Variants in ENTPD5 observed in about 807,000 individuals in gnomAD.
ENTPD5 encodes the protein ectonucleoside triphosphate diphosphohydrolase 5 (inactive), also known as nucleoside diphosphate phosphatase ENTPD5.
Under a neutral mutation model 60.2 loss-of-function variants are expected in ENTPD5, and 49 were observed. The observed-to-expected ratio is 0.81, with a 90% CI of 0.65 to 1.03. ENTPD5 has a LOEUF of 1.03. ENTPD5 is among the 50% of genes least tolerant of loss of function. ENTPD5 has a pLI of 0.00. For missense variants in ENTPD5, 480 were observed against 507.6 expected, an observed-to-expected ratio of 0.95 and a Z score of 0.52; for synonymous variants, 187 against 185.4, an observed-to-expected ratio of 1.01 and a Z score of -0.07.
Position 73,966,169 on chromosome 14 carries a change from T to C in ENTPD5, c.*759A>G, listed in dbSNP as rs921114485. The C allele has an allele frequency of 1.5e-4, 23 of 152,226 alleles. No individual in the cohort carries two copies. The highest frequency in any genetic ancestry group is 4.8e-4 in the African/African-American group (20 of 41,458). 9.4% of individuals were successfully genotyped at this position (152,226 alleles called of 1,614,324 possible). ...TGGGAGGTGGTACTGGCACTGAATATACACATACCCATAAAGTCGGATATG... is the reference window on the plus strand; with the variant it reads ...TGGGAGGTGGTACTGGCACTGAATACACACATACCCATAAAGTCGGATATG... On this transcript the variant is annotated 3_prime_UTR_variant, in exon 16 of 16. Coordinates refer to ENST00000334696, the MANE Select transcript of ENTPD5 (RefSeq NM_001249.5).
chr14:73,986,272 A>G (rs1279028787), intron 5 of ENTPD5: 1 of 152,668 alleles, frequency 6.6e-6, no homozygotes, highest in Non-Finnish European at 1.5e-5. Flanking sequence ...CCTCAGACAC[A>G]TAGGATGTAG....
chr14:73,986,681 A>G, intron 5 of ENTPD5, 133 bp downstream of exon 5: 1 of 693,508 alleles, frequency 1.4e-6, no homozygotes, highest in Non-Finnish European at 2.5e-6. Flanking sequence ...CCAGGAGATT[A>G]GCTGAGGAGA....
intron 15 of ENTPD5, among the ~76,000 whole-genome samples, chr14:73,968,186 A>G (rs1028740692): frequency 3.3e-5 from 5 of 152,178 alleles, no homozygotes; most frequent in Non-Finnish European, 7.3e-5. Flanking sequence ...AAGCCAGTAC[A>G]TATCTCAATT....
chr14:73,962,573 T>C (rs888918943), downstream of ENTPD5: 3 of 175,012 alleles, frequency 1.7e-5, no homozygotes, highest in African/African-American at 7.6e-5. Flanking sequence ...AAAAAAAAAA[T>C]GAATAGGGAT....
chr14:73,960,534 T>C (rs759759330), downstream of ENTPD5: 1 of 1,002,168 alleles, frequency 1.0e-6, no homozygotes, highest in South Asian at 4.2e-5. Context: ...AACACTACCC[T>C]ACTCTGGGCC....
chr14:74,019,281 C>A lies in ENTPD5; in HGVS notation c.-269G>T, dbSNP rs2059186441. 1 of 475,086 alleles carries A rather than the reference C, an allele frequency of 2.1e-6. No individual in the cohort carries two copies. Among genetic ancestry groups the A allele is most frequent in the South Asian group, 9.0e-5 (1 of 11,050 alleles). 29.4% of individuals were successfully genotyped at this position (475,086 alleles called of 1,614,324 possible). A position where few individuals can be genotyped will look rare whatever the true frequency, so the allele number is the denominator to read the frequency against. ...CGCGCCACCCTTGCGCGGCAGCCCG[C>A]CGCCCTCGGCGCGACCTCCGCCCCA... On this transcript the variant is annotated 5_prime_UTR_variant, in exon 1 of 16. Coordinates refer to ENST00000334696, the MANE Select transcript of ENTPD5 (RefSeq NM_001249.5).
rs2056919499 is a variant in ENTPD5 at position 73,965,115 on chromosome 14, GAC to G, written c.*1811_*1812del. 6.6e-6 allele frequency: 1 copy of G among 152,160 alleles called. No individual in the cohort carries two copies. Among genetic ancestry groups the G allele is most frequent in the African/African-American group, 2.4e-5 (1 of 41,432 alleles). The allele number at this position is 152,160 out of a possible 1,614,324, so 9.4% of individuals were successfully genotyped here. On this transcript the variant is annotated 3_prime_UTR_variant, in exon 16 of 16. Coordinates refer to ENST00000334696, the MANE Select transcript of ENTPD5 (RefSeq NM_001249.5). ...AAAGAAATTCCACAATGAATTTAAAGACAAGAATTTTAGGGACAAGGATACAG... is the reference window on the plus strand; with the variant it reads ...AAAGAAATTCCACAATGAATTTAAAGAAGAATTTTAGGGACAAGGATACAG...
In ENTPD5 at chr14:73,983,980, C is replaced by A. The variant is rs558723075; in HGVS notation, c.298-819G>T. ...TGCTGGGATTACAAGCATGAGCCACCGTGCCTGGCCAAATTATTCTTTTAT... is the reference window on the plus strand; with the variant it reads ...TGCTGGGATTACAAGCATGAGCCACAGTGCCTGGCCAAATTATTCTTTTAT... On this transcript the variant is annotated intron_variant, in intron 5 of 15. Coordinates refer to ENST00000334696, the MANE Select transcript of ENTPD5 (RefSeq NM_001249.5). Among the ~76,000 whole-genome samples the A allele has an allele frequency of 3.3e-5, 5 of 152,002 alleles. No individual in the cohort carries two copies. The East Asian group carries it at 5.8e-4, about 18-fold the overall frequency.
At chr14:73,971,804 G>A (rs1474909733) in intron 14 of ENTPD5, 48 bp downstream of exon 14, 2 of 1,294,868 alleles carry the variant, frequency 1.5e-6, no homozygotes, top group East Asian at 4.6e-5. Context: ...ACTAGAGTAG[G>A]CAGGCAGTCT....
chr14:73,973,557 T>C (rs1000323734), intron 12 of ENTPD5, among the ~76,000 whole-genome samples: 2 of 152,188 alleles, frequency 1.3e-5, no homozygotes, highest in African/African-American at 4.8e-5. Flanking sequence ...TGCAGTGGCA[T>C]TGCGCACTAT....
intron 10 of ENTPD5, 98 bp from the exon 11 acceptor site, chr14:73,975,083 G>A (rs2057384747): frequency 2.1e-6 from 2 of 942,102 alleles, no homozygotes; most frequent in Non-Finnish European, 3.4e-6. Flanking sequence ...TGTCCCTCTG[G>A]AAAGATGAAA....
chr14:74,014,390 C>G (rs368567638), intron 2 of ENTPD5, among the ~76,000 whole-genome samples: 92 of 149,866 alleles, frequency 6.1e-4, no homozygotes, highest in South Asian at 1.3e-3. Flanking sequence ...TCCCCCCCCC[C>G]ACAAAAAAAA....
chr14:73,983,396 G>A (rs1023546176), intron 5 of ENTPD5, among the ~76,000 whole-genome samples: 1 of 152,142 alleles, frequency 6.6e-6, no homozygotes, highest in African/African-American at 2.4e-5. Flanking sequence ...GCCAAGGTGG[G>A]TGGATCATTT....
downstream of ENTPD5, chr14:73,958,235 T>C (rs3180946): frequency 0.38 from 618,552 of 1,613,646 alleles, 127,676 homozygotes; most frequent in Non-Finnish European, 0.43. Context: ...CTTGGGTTCA[T>C]ATTACCCTAG....
At chr14:74,010,032 C>T (rs547086668) in intron 3 of ENTPD5, among the ~76,000 whole-genome samples, 3 of 152,236 alleles carry the variant, frequency 2.0e-5, no homozygotes, top group Non-Finnish European at 2.9e-5. Flanking sequence ...TCTCGTGATC[C>T]GCCTGCCTCG....
intron 3 of ENTPD5, among the ~76,000 whole-genome samples, chr14:74,007,428 G>C (rs1020218690): frequency 6.6e-6 from 1 of 151,922 alleles, no homozygotes; most frequent in African/African-American, 2.4e-5. Flanking sequence ...GGCCGTGGCA[G>C]AAGAAATTGC....
chr14:74,012,591 A>G (rs932991018), intron 2 of ENTPD5, among the ~76,000 whole-genome samples: 1 of 152,244 alleles, frequency 6.6e-6, no homozygotes, highest in African/African-American at 2.4e-5. Context: ...GGCACCAGGC[A>G]GGAAATATAA....
At chr14:73,992,121 C>T (rs2058161331) in intron 3 of ENTPD5, among the ~76,000 whole-genome samples, 1 of 152,076 alleles carries the variant, frequency 6.6e-6, no homozygotes, top group Admixed American at 6.6e-5. Context: ...TAAGGTAAAG[C>T]TTCCTGACTT....
chr14:73,972,988 A>G lies in ENTPD5; in HGVS notation c.923T>C (p.Leu308Pro). ...VGFEPCYAEV[L>P]RVVRGKLHQP... ...GTGAAGTTTTCCTCGTACCACCCTC[A>G]GCACTTCGGCATAGCAGGGCTCAAA... The change falls in exon 13 of 16, where the codon CTG (leucine) becomes CCG (proline). Residue 308 changes from leucine (L) to proline (P), a missense_variant. By Grantham distance (98) the Leu-to-Pro change is moderately conservative. Coordinates refer to ENST00000334696, the MANE Select transcript of ENTPD5 (RefSeq NM_001249.5). 1 of 1,614,228 alleles carries G rather than the reference A, an allele frequency of 6.2e-7. No individual in the cohort carries two copies. The highest frequency in any genetic ancestry group is 2.2e-5 in the East Asian group (1 of 44,888).
Sources: allele counts gnomAD v4.1 joint callset (sites outside exome capture counted in the v4.1 genomes callset), GRCh38; gene constraint gnomAD v4.1.1; transcripts MANE v1.5; gene names NCBI Gene and HGNC (gene_info 2026-07-23, HGNC 2026-07-21).